ME2: variants seen among roughly 807,000 people sequenced by gnomAD.
ME2 encodes NAD-dependent malic enzyme, mitochondrial.
A neutral mutation model predicts 73.7 loss-of-function variants in ME2; 60 were observed. The observed-to-expected ratio is 0.81, with a 90% CI of 0.66 to 1.01. ME2 has a LOEUF of 1.01. Among genes scored for constraint, ME2 ranks in the 50% least tolerant of loss-of-function variants. The probability of loss-of-function intolerance (pLI) is 0.00; values close to 1 mark genes in which losing one functional copy is unlikely to be tolerated. For missense variants in ME2, 594 were observed against 705.5 expected (o/e 0.84, Z 1.79); for synonymous variants, 199 against 236.9 (o/e 0.84, Z 1.47).
intron 13 of ME2, chr18:50,932,602 T>C (rs912603402): frequency 5.5e-5 from 17 of 310,766 alleles, no homozygotes; most frequent in Non-Finnish European, 9.4e-5. Flanking sequence ...TTTGTAAAAA[T>C]GCAGAGGAAC....
chr18:50,947,967 C>G lies in ME2; in HGVS notation c.*783C>G, dbSNP rs937258049. The G allele has an allele frequency of 9.9e-5, 15 of 152,140 alleles. No homozygotes were observed. The highest frequency in any genetic ancestry group is 2.0e-4 in the Admixed American group (3 of 15,262). 9.4% of individuals were successfully genotyped at this position (152,140 alleles called of 1,614,324 possible). A position where few individuals can be genotyped will look rare whatever the true frequency, so the allele number is the denominator to read the frequency against. ...TGAAAAACACATATTTTTGTTACTT[C>G]TAGATGATTCTAGGAGGGAGTATAA... On this transcript the variant is annotated 3_prime_UTR_variant, in exon 16 of 16. Coordinates refer to ENST00000321341, the MANE Select transcript of ME2 (RefSeq NM_002396.5).
Position 50,920,662 on chromosome 18 carries a change from G to A in ME2, c.846G>A (p.Gly282=), listed in dbSNP as rs1307483912. Residue 282 remains glycine (G), a splice_region_variant and synonymous_variant, in exon 9 of 16, where the codon GGG becomes GGA. Transcript: ENST00000321341. ...TAAAAATCTTTGTTTTTCTTACAGG[G>A]ACAGCTGCAGTAGCTCTAGCAGGTC... ...KYCTFNDDIQ[G]TAAVALAGLL... is the part of the protein sequence containing the mutation. 2 of 1,599,348 alleles carry A rather than the reference G, an allele frequency of 1.3e-6. No individual in the cohort carries two copies. Among genetic ancestry groups the A allele is most frequent in the South Asian group, 1.1e-5 (1 of 87,456 alleles).
Position 50,912,982 on chromosome 18 carries a change from G to T in ME2, c.392+32G>T. 3 of 1,542,890 alleles carry T rather than the reference G, an allele frequency of 1.9e-6. No homozygotes were observed. In the South Asian group the frequency reaches 3.7e-5, roughly 19 times the overall value. On this transcript the variant is annotated intron_variant, in intron 4 of 15. Transcript: ENST00000321341. Reference sequence around the variant, plus strand: ...CTTGTTTAAAAAAAAGCTTGTAAATGATTATTGAATAAGGAAAATATCATT... The same window carrying T: ...CTTGTTTAAAAAAAAGCTTGTAAATTATTATTGAATAAGGAAAATATCATT...
chr18:50,928,412 G>T (rs935235294), intron 12 of ME2, among the ~76,000 whole-genome samples: 2 of 151,194 alleles, frequency 1.3e-5, no homozygotes, highest in African/African-American at 2.4e-5. Flanking sequence ...TAATTTTTTT[G>T]TATTTTTAGT....
intron 4 of ME2, 91 bp downstream of exon 4, chr18:50,913,041 G>A (rs1336441636): frequency 8.4e-6 from 10 of 1,195,324 alleles, no homozygotes; most frequent in Middle Eastern, 2.2e-4. Flanking sequence ...TTTTATGTTT[G>A]TTAGCCAAAT....
Position 50,951,920 on chromosome 18 carries a change from GA to G in ME2, c.*4738del, listed in dbSNP as rs1918237602. 7.7e-6 allele frequency: 1 copy of G among 129,456 alleles called. No individual in the cohort carries two copies. The allele number at this position is 129,456 out of a possible 1,614,324, so 8.0% of individuals were successfully genotyped here. On this transcript the variant is annotated 3_prime_UTR_variant, in exon 16 of 16. Coordinates refer to ENST00000321341, the MANE Select transcript of ME2 (RefSeq NM_002396.5). ...AAAAAAAAATCTCCAGGGTTCTGTTGAATTCACCAAAATGGGGTCAGCTCTG... is the reference window on the plus strand; with the variant it reads ...AAAAAAAAATCTCCAGGGTTCTGTTGATTCACCAAAATGGGGTCAGCTCTG...
chr18:50,925,460 CA>C (rs1461779513), intron 11 of ME2, among the ~76,000 whole-genome samples: 1 of 152,024 alleles, frequency 6.6e-6, no homozygotes, highest in East Asian at 1.9e-4. Flanking sequence ...GTCTGGGCGA[CA>C]GAGCGAGACT....
chr18:50,940,076 C>T, intron 14 of ME2: 2 of 530,322 alleles, frequency 3.8e-6, no homozygotes, highest in Non-Finnish European at 6.6e-6. Context: ...TAATATAAAG[C>T]AGAATATAAT....
intron 1 of ME2, among the ~76,000 whole-genome samples, chr18:50,887,947 A>G (rs986762146): frequency 2.0e-5 from 3 of 152,246 alleles, no homozygotes; most frequent in African/African-American, 7.2e-5. Context: ...ACAGAACCAA[A>G]TAGAAATATA....
intron 3 of ME2, among the ~76,000 whole-genome samples, chr18:50,908,413 T>G (rs867223375): frequency 5.9e-5 from 9 of 152,202 alleles, no homozygotes; most frequent in African/African-American, 2.2e-4. Flanking sequence ...ATGCTTACAG[T>G]CAGAGCAATT....
chr18:50,901,276 G>A (rs556000831), intron 2 of ME2, among the ~76,000 whole-genome samples: 13 of 152,248 alleles, frequency 8.5e-5, no homozygotes, highest in African/African-American at 2.9e-4. Flanking sequence ...CTCCTGAATC[G>A]TTTGCCTTCT....
chr18:50,885,552 A>G lies in ME2; in HGVS notation c.-13+6244A>G, dbSNP rs147221838. 2.5e-3 allele frequency among the ~76,000 whole-genome samples: 377 copies of G among 152,220 alleles called. 2 individuals are homozygous for G. The highest frequency in any genetic ancestry group is 8.8e-3 in the African/African-American group (364 of 41,548). On this transcript the variant is annotated intron_variant, in intron 1 of 15. Coordinates refer to ENST00000321341, the MANE Select transcript of ME2 (RefSeq NM_002396.5). The stretch of plus-strand genomic sequence containing the variant: ...AAATATATAAAACTTTTTTTAAATG[A>G]CAATTTATAAAATTTAAATGGTTTT...
At chr18:50,925,343 G>C (rs968498447) in intron 11 of ME2, among the ~76,000 whole-genome samples, 9 of 152,140 alleles carry the variant, frequency 5.9e-5, no homozygotes, top group African/African-American at 9.7e-5. Flanking sequence ...GCCGGGCGTG[G>C]TGGCACACAC....
Position 50,920,528 on chromosome 18 carries a change from C to A in ME2, c.807C>A (p.Tyr269Ter), listed in dbSNP as rs778031621. ...NHNAFRFLRK[Y>*]REKYCTFNDD... ...ATGCATTCAGGTTCTTGAGAAAGTA[C>A]CGAGAAAAATATTGTACTTTCAATG... Residue 269 changes from tyrosine to a stop codon, truncating the protein, a stop_gained, in exon 8 of 16, where the codon TAC (tyrosine) becomes TAA (stop). Coordinates refer to ENST00000321341, the MANE Select transcript of ME2 (RefSeq NM_002396.5). LOFTEE classifies it high-confidence loss of function. 2.5e-6 allele frequency: 4 copies of A among 1,597,260 alleles called. No homozygotes were observed. The highest frequency in any genetic ancestry group is 1.7e-6 in the Non-Finnish European group (2 of 1,175,810).
In ME2 at chr18:50,947,271, T is replaced by C. The variant is rs1918108194; in HGVS notation, c.*87T>C. 1.4e-6 allele frequency: 2 copies of C among 1,387,432 alleles called. No individual in the cohort carries two copies. Among genetic ancestry groups the C allele is most frequent in the African/African-American group, 1.5e-5 (1 of 68,800 alleles). The allele number at this position is 1,387,432 out of a possible 1,614,324, so 85.9% of individuals were successfully genotyped here. On this transcript the variant is annotated 3_prime_UTR_variant, in exon 16 of 16. Transcript: ENST00000321341. ...GATAATGTCTTCAGTTTTATGGTGT[T>C]TTCTGTGTTTTGTTCTCCCTGACCA...
chr18:50,901,937 T>C (rs1215146786), intron 2 of ME2, among the ~76,000 whole-genome samples: 1 of 152,224 alleles, frequency 6.6e-6, no homozygotes, highest in Non-Finnish European at 1.5e-5. Flanking sequence ...TTCTAGTTCC[T>C]CCCGTAATAC....
chr18:50,908,214 G>A lies in ME2; in HGVS notation c.242+18G>A. On this transcript the variant is annotated intron_variant, in intron 3 of 15. Transcript: ENST00000321341. The stretch of plus-strand genomic sequence containing the variant: ...TTGGAAAAGTAAGAGTTGCTTAGAT[G>A]TTTCTTTTTTTATTGGTATTCTGAT... 4 of 1,551,170 alleles carry A rather than the reference G, an allele frequency of 2.6e-6. No homozygotes were observed. The highest frequency in any genetic ancestry group is 1.2e-5 in the South Asian group (1 of 80,972).
chr18:50,884,948 G>C (rs974929830), intron 1 of ME2, among the ~76,000 whole-genome samples: 1 of 152,138 alleles, frequency 6.6e-6, no homozygotes, highest in African/African-American at 2.4e-5. Flanking sequence ...GCCGCCTCTC[G>C]GGTTCAAGCA....
intron 4 of ME2, chr18:50,915,770 C>T (rs1917270065): frequency 6.5e-6 from 1 of 153,856 alleles, no homozygotes; most frequent in African/African-American, 2.4e-5. Context: ...CTCTCCCTTC[C>T]TGCTCCTTCA....
Sources: gnomAD v4.1 joint callset for allele counts (sites outside exome capture counted in the v4.1 genomes callset) on GRCh38, gnomAD v4.1.1 for gene constraint, MANE v1.5 for transcripts, NCBI Gene and HGNC (gene_info 2026-07-23, HGNC 2026-07-21) for gene names.